The following ASXL3 variants were observed in gnomAD, a reference collection of about 807,000 sequenced individuals.
ASXL3 encodes the protein ASXL transcriptional regulator 3, also known as putative Polycomb group protein ASXL3.
In ASXL3, 34 loss-of-function variants were observed where a neutral mutation model predicts 170.6. That is an observed-to-expected ratio of 0.20 (90% CI 0.15 to 0.27). The LOEUF (loss-of-function observed/expected upper bound fraction) is 0.27, where lower values mean the gene tolerates loss of function less well. Ranked by LOEUF, ASXL3 falls within the 10% of genes least tolerant of loss-of-function variation. The probability of loss-of-function intolerance (pLI) is 1.00; values close to 1 mark genes in which losing one functional copy is unlikely to be tolerated. For synonymous variants in ASXL3, 1,002 were observed against 989.1 expected (o/e 1.01, Z -0.24); for missense variants, 2,592 against 2,695.3 (o/e 0.96, Z 0.85).
chr18:33,715,784 A>T (rs1487490105), intron 8 of ASXL3, among the ~76,000 whole-genome samples: 2 of 152,214 alleles, frequency 1.3e-5, no homozygotes, highest in Non-Finnish European at 2.9e-5. Flanking sequence ...ATCAAAAAAT[A>T]AAATCTTTGA....
Position 33,743,123 on chromosome 18 carries a change from A to G in ASXL3, c.3275A>G (p.Glu1092Gly), listed in dbSNP as rs759900143. 2 of 1,613,786 alleles carry G rather than the reference A, an allele frequency of 1.2e-6. No homozygotes were observed. Among genetic ancestry groups the G allele is most frequent in the South Asian group, 2.2e-5 (2 of 91,070 alleles). The change falls in exon 12 of 12, where the codon GAG (glutamate) becomes GGG (glycine). Residue 1092 changes from glutamate to glycine, a missense_variant. Transcript: ENST00000269197. ...IVSGAMGSPG[E>G]GGKTRTLAHI... ...TCTGGAGCCATGGGAAGTCCAGGAG[A>G]GGGTGGAAAGACGAGAACTCTGGCA...
intron 7 of ASXL3, among the ~76,000 whole-genome samples, chr18:33,673,660 G>T (rs1224662772): frequency 6.6e-6 from 1 of 152,122 alleles, no homozygotes; most frequent in Non-Finnish European, 1.5e-5. Context: ...ACCATGCCTG[G>T]CCCAGGATTT....
At chr18:33,593,104 T>G (rs1291636092) in intron 1 of ASXL3, among the ~76,000 whole-genome samples, 1 of 152,096 alleles carries the variant, frequency 6.6e-6, no homozygotes, top group East Asian at 1.9e-4. Flanking sequence ...CCTGGACATT[T>G]TAAATGAGTT....
At chr18:33,702,009 T>A (rs2066882166) in intron 8 of ASXL3, among the ~76,000 whole-genome samples, 1 of 152,096 alleles carries the variant, frequency 6.6e-6, no homozygotes, top group African/African-American at 2.4e-5. Context: ...AAATTTTCAT[T>A]TTCATTATTT....
rs1243475083 is a variant in ASXL3, at chr18:33,578,419, C to T, written c.-213C>T. On this transcript the variant is annotated 5_prime_UTR_variant, in exon 1 of 12. Coordinates refer to ENST00000269197, the MANE Select transcript of ASXL3 (RefSeq NM_030632.3). Reference sequence around the variant, plus strand: ...CCGCCGCCGCCGCCGTCGCGCGCCCCCACCCACTCCACCCCACCCCCTCGC... The same window carrying T: ...CCGCCGCCGCCGCCGTCGCGCGCCCTCACCCACTCCACCCCACCCCCTCGC... 3 of 98,424 alleles carry T rather than the reference C, an allele frequency of 3.0e-5. No homozygotes were observed. The highest frequency in any genetic ancestry group is 1.2e-4 in the African/African-American group (3 of 25,176). The allele number at this position is 98,424 out of a possible 1,614,324, so 6.1% of individuals were successfully genotyped here.
intron 8 of ASXL3, among the ~76,000 whole-genome samples, chr18:33,702,741 T>G (rs2066895667): frequency 6.6e-6 from 1 of 152,168 alleles, no homozygotes; most frequent in African/African-American, 2.4e-5. Flanking sequence ...ATAAATTATA[T>G]TAGGTTTTCA....
intron 2 of ASXL3, among the ~76,000 whole-genome samples, chr18:33,633,628 G>A (rs1204237697): frequency 6.6e-6 from 1 of 152,064 alleles, no homozygotes; most frequent in African/African-American, 2.4e-5. Flanking sequence ...TGGATCATGA[G>A]GTCGGGAGAT....
intron 2 of ASXL3, among the ~76,000 whole-genome samples, chr18:33,610,937 C>T (rs1056573689): frequency 2.6e-5 from 4 of 152,030 alleles, no homozygotes; most frequent in African/African-American, 9.7e-5. Flanking sequence ...TGCTTGTTTT[C>T]AAACACTGTG....
Position 33,745,025 on chromosome 18 carries a change from C to G in ASXL3, c.5177C>G (p.Ala1726Gly), listed in dbSNP as rs369543627. Residue 1726 changes from alanine (A) to glycine (G), a missense_variant, in exon 12 of 12, where the codon GCC (alanine) becomes GGC (glycine). Transcript: ENST00000269197. Reference protein sequence around the residue: ...MEEAISLATDALKRVPGAGSS... With the variant: ...MEEAISLATDGLKRVPGAGSS... ...GAGGCTATTTCCTTGGCTACCGATG[C>G]CCTGAAGAGAGTCCCTGGTGCAGGG... is the stretch of plus-strand genomic sequence containing the variant. 5 of 1,613,872 alleles carry G rather than the reference C, an allele frequency of 3.1e-6. No individual in the cohort carries two copies. Among genetic ancestry groups the G allele is most frequent in the African/African-American group, 1.3e-5 (1 of 74,918 alleles).
intron 2 of ASXL3, among the ~76,000 whole-genome samples, chr18:33,641,021 T>C (rs1253248077): frequency 6.6e-6 from 1 of 151,928 alleles, no homozygotes; most frequent in African/African-American, 2.4e-5. Context: ...TATAAATCAT[T>C]ATGTTATATA....
chr18:33,593,397 G>T (rs2065096914), intron 1 of ASXL3, among the ~76,000 whole-genome samples: 1 of 151,116 alleles, frequency 6.6e-6, no homozygotes, highest in African/African-American at 2.4e-5. Context: ...AGTTACCCTC[G>T]GGCTGTTTCC....
chr18:33,648,144 G>A (rs1237071676), intron 4 of ASXL3, among the ~76,000 whole-genome samples: 2 of 152,112 alleles, frequency 1.3e-5, no homozygotes. Context: ...TTAAGCCATT[G>A]TAGAGTTTTG....
rs542800787 is a variant in ASXL3, at chr18:33,636,412, G to A, written c.138-8482G>A. On this transcript the variant is annotated intron_variant, in intron 2 of 11. Coordinates refer to ENST00000269197, the MANE Select transcript of ASXL3 (RefSeq NM_030632.3). ...ATGGCATGGCTAAGAAGCAGTCTGA[G>A]CAGTGTTTCTGTTGTTGTTTTTAAA... Among the ~76,000 whole-genome samples, 64 of 152,288 alleles carry A rather than the reference G, an allele frequency of 4.2e-4. 1 individual carries two copies. In the South Asian group the frequency reaches 0.013, roughly 31 times the overall value.
Position 33,746,394 on chromosome 18 carries a change from C to T in ASXL3, c.6546C>T (p.Ser2182=). 5 of 1,613,890 alleles carry T rather than the reference C, an allele frequency of 3.1e-6. No individual in the cohort carries two copies. Among genetic ancestry groups the T allele is most frequent in the Non-Finnish European group, 4.2e-6 (5 of 1,179,772 alleles). ...EKSIGILGSG[S]NPATGLSGQN... is the part of the protein sequence containing the mutation. ...CCATTGGGATTTTGGGAAGTGGCTC[C>T]AATCCTGCCACAGGCTTGTCTGGTC... Residue 2182 remains serine (S), a synonymous_variant, in exon 12 of 12, where the codon TCC becomes TCT. Transcript: ENST00000269197.
intron 4 of ASXL3, among the ~76,000 whole-genome samples, chr18:33,659,781 C>G (rs181990225): frequency 1.5e-3 from 228 of 152,112 alleles, no homozygotes; most frequent in Non-Finnish European, 2.5e-3. Context: ...AACATTTAGA[C>G]TGTCTTAAGC....
chr18:33,709,126 T>C (rs1750892158), intron 8 of ASXL3, among the ~76,000 whole-genome samples: 1 of 152,014 alleles, frequency 6.6e-6, no homozygotes, highest in South Asian at 2.1e-4. Context: ...TACATAAATA[T>C]AAAAAGCAAA....
chr18:33,746,050 A>C lies in ASXL3; in HGVS notation c.6202A>C (p.Ser2068Arg), dbSNP rs770461519. The C allele has an allele frequency of 1.9e-5, 30 of 1,613,100 alleles. No homozygotes were observed. Among genetic ancestry groups the C allele is most frequent in the Non-Finnish European group, 2.5e-5 (30 of 1,179,816 alleles). ...TACCATGGAAACCACTAAGAGACTTAGTTGGCCACAGTCCACGGGCATATG... is the reference window on the plus strand; with the variant it reads ...TACCATGGAAACCACTAAGAGACTTCGTTGGCCACAGTCCACGGGCATATG... Reference protein sequence around the residue: ...PVTMETTKRLSWPQSTGICSN... With the variant: ...PVTMETTKRLRWPQSTGICSN... Residue 2068 changes from serine to arginine, a missense_variant, in exon 12 of 12, where the codon AGT (serine) becomes CGT (arginine). Transcript: ENST00000269197.
intron 2 of ASXL3, among the ~76,000 whole-genome samples, chr18:33,620,487 A>G (rs937066304): frequency 3.3e-5 from 5 of 152,158 alleles, no homozygotes; most frequent in African/African-American, 1.2e-4. Flanking sequence ...GAACAAGAAT[A>G]CAGGAAGTAC....
intron 1 of ASXL3, among the ~76,000 whole-genome samples, chr18:33,584,130 A>G (rs576642375): frequency 5.3e-4 from 81 of 152,278 alleles, no homozygotes; most frequent in African/African-American, 1.9e-3. Context: ...TGGCCTTGAA[A>G]TATGAGTAAG....
Sources: gnomAD v4.1 joint callset for allele counts (sites outside exome capture counted in the v4.1 genomes callset) on GRCh38, gnomAD v4.1.1 for gene constraint, MANE v1.5 for transcripts, NCBI Gene and HGNC (gene_info 2026-07-23, HGNC 2026-07-21) for gene names.